The following ZNF75D variants were observed in gnomAD, a reference collection of about 807,000 sequenced individuals.
The protein encoded by ZNF75D is zinc finger protein 75.
ZNF75D carries 33 observed loss-of-function variants against 33.3 expected under a neutral mutation model. The ratio of observed to expected loss-of-function variants is 0.99; its 90% CI spans 0.75 to 1.32. ZNF75D has a LOEUF of 1.32. ZNF75D is among the 40% of genes most tolerant of loss of function. The pLI is 0.00. For synonymous variants in ZNF75D, 113 were observed against 130.6 expected (o/e 0.87, Z 0.92); for missense variants, 338 against 367.5 (o/e 0.92, Z 0.66).
At chrX:135,322,229 C>T (rs915602883) in intron 1 of ZNF75D, among the ~76,000 whole-genome samples, 2 of 112,068 alleles carry the variant, frequency 1.8e-5, no homozygotes, top group Non-Finnish European at 3.8e-5. Context: ...ACCCCCGCAG[C>T]TGCCAAAAGG....
intron 1 of ZNF75D, among the ~76,000 whole-genome samples, chrX:135,278,220 G>C (rs2148464029): frequency 9.0e-6 from 1 of 111,179 alleles, no homozygotes; most frequent in African/African-American, 3.3e-5. Context: ...CTTGTAAGTT[G>C]GATTCCTAGG....
At chrX:135,260,064 G>A (rs1178058625) in intron 1 of ZNF75D, among the ~76,000 whole-genome samples, 2 of 112,029 alleles carry the variant, frequency 1.8e-5, no homozygotes, top group Non-Finnish European at 3.8e-5. Flanking sequence ...TGTGCTTTTT[G>A]TTGTTGGTTC....
chrX:135,322,023 A>G (rs2084502296), intron 1 of ZNF75D, among the ~76,000 whole-genome samples: 1 of 112,103 alleles, frequency 8.9e-6, no homozygotes, highest in South Asian at 3.7e-4. Context: ...GAAGTCCACA[A>G]TGTCAATTAC....
intron 1 of ZNF75D, chrX:135,309,568 C>T (rs2084333042): frequency 1.0e-5 from 3 of 296,897 alleles, no homozygotes; most frequent in South Asian, 4.0e-4. Flanking sequence ...AAGAAGCCCA[C>T]CAAAAATGTG....
intron 1 of ZNF75D, among the ~76,000 whole-genome samples, chrX:135,301,524 G>A (rs1352893073): frequency 2.7e-5 from 3 of 112,324 alleles, no homozygotes; most frequent in Non-Finnish European, 3.8e-5. Context: ...GGATATAGGC[G>A]TTGGATAAAT....
At chrX:135,309,876 C>T (rs888091099) in intron 1 of ZNF75D, among the ~76,000 whole-genome samples, 1 of 111,803 alleles carries the variant, frequency 8.9e-6, no homozygotes, top group African/African-American at 3.3e-5. Context: ...TTTGTTCATC[C>T]TAACGCACAG....
intron 1 of ZNF75D, among the ~76,000 whole-genome samples, chrX:135,299,413 T>G (rs1008918714): frequency 8.9e-6 from 1 of 112,457 alleles, no homozygotes; most frequent in East Asian, 2.8e-4. Flanking sequence ...CATGTGCTTA[T>G]TAGGCATTTG....
intron 1 of ZNF75D, among the ~76,000 whole-genome samples, chrX:135,339,794 C>T (rs1329903396): frequency 8.9e-6 from 1 of 111,995 alleles, no homozygotes; most frequent in African/African-American, 3.3e-5. Context: ...GCCCTACTCC[C>T]TCCTATGGGT....
intron 1 of ZNF75D, among the ~76,000 whole-genome samples, chrX:135,316,842 C>A (rs1556432044): frequency 9.2e-6 from 1 of 109,172 alleles, no homozygotes; most frequent in East Asian, 2.9e-4. Context: ...ATAGATATTT[C>A]TTTCTCATTC....
intron 1 of ZNF75D, among the ~76,000 whole-genome samples, chrX:135,312,230 T>C (rs1331280691): frequency 1.8e-5 from 2 of 111,430 alleles, no homozygotes; most frequent in Non-Finnish European, 3.8e-5. Flanking sequence ...CTATCATACA[T>C]GAGTGAGAAC....
At chrX:135,306,453 G>A (rs913657568) in intron 1 of ZNF75D, among the ~76,000 whole-genome samples, 1 of 112,059 alleles carries the variant, frequency 8.9e-6, no homozygotes, top group African/African-American at 3.2e-5. Flanking sequence ...CCATGAACAT[G>A]TCTATCAATT....
At position 135,342,598 on chromosome X, in the gene ZNF75D, G is replaced by A. The variant is rs1038249659; in HGVS notation, c.-1221C>T. On this transcript the variant is annotated 5_prime_UTR_variant, in exon 1 of 7. Transcript: ENST00000370766. ...TCCCCCACATTCTCCAGCTGCTCCT[G>A]TTCCTCTCAATTAGACAAGCTTACT... is the stretch of plus-strand genomic sequence containing the variant. 8.9e-6 allele frequency: 1 copy of A among 112,019 alleles called. No homozygotes were observed. Among genetic ancestry groups the A allele is most frequent in the Non-Finnish European group, 1.9e-5 (1 of 53,540 alleles). 9.2% of individuals were successfully genotyped at this position (112,019 alleles called of 1,213,427 possible).
rs1450594009 is a variant in ZNF75D at position 135,287,075 on chromosome X, G to A, written c.*62C>T. 8 of 913,362 alleles carry A rather than the reference G, an allele frequency of 8.8e-6. No individual in the cohort carries two copies. The Admixed American group carries it at 2.4e-4, about 27-fold the overall frequency. 75.3% of individuals were successfully genotyped at this position (913,362 alleles called of 1,213,427 possible). A position where few individuals can be genotyped will look rare whatever the true frequency, so the allele number is the denominator to read the frequency against. ...ATTAATCACAGATTCCTATCATTGG[G>A]TGCCTCATAATTTTGTATTCTTTCA... is the stretch of plus-strand genomic sequence containing the variant. On this transcript the variant is annotated 3_prime_UTR_variant, in exon 7 of 7. Transcript: ENST00000370766.
chrX:135,273,186 C>T (rs184365517), intron 1 of ZNF75D, among the ~76,000 whole-genome samples: 1,958 of 111,191 alleles, frequency 0.018, 46 homozygotes, highest in African/African-American at 0.061. Context: ...CTCTCTCTCT[C>T]TTTTCCTTTC....
downstream of ZNF75D, among the ~76,000 whole-genome samples, chrX:135,281,751 C>T (rs1556418537): frequency 8.9e-6 from 1 of 112,388 alleles, no homozygotes; most frequent in Non-Finnish European, 1.9e-5. Flanking sequence ...GGCCCTTCTG[C>T]TTCAGGTCTG....
chrX:135,284,745 A>T (rs1400449885), downstream of ZNF75D, among the ~76,000 whole-genome samples: 3 of 111,587 alleles, frequency 2.7e-5, no homozygotes, highest in Non-Finnish European at 5.6e-5. Context: ...CCTGCACGAT[A>T]AGCTTTGAAG....
intron 3 of ZNF75D, among the ~76,000 whole-genome samples, chrX:135,292,915 C>T (rs781997628): frequency 1.8e-5 from 2 of 112,538 alleles, no homozygotes; most frequent in Non-Finnish European, 3.8e-5. Context: ...TCCAATCCTC[C>T]AGGAAAGAAT....
At chrX:135,326,027 C>G (rs1316914747) in intron 1 of ZNF75D, among the ~76,000 whole-genome samples, 6 of 109,698 alleles carry the variant, frequency 5.5e-5, no homozygotes, top group African/African-American at 2.0e-4. Flanking sequence ...AATCGACACT[C>G]TGTATCTAGC....
chrX:135,263,284 G>A (rs1388070824), intron 1 of ZNF75D, among the ~76,000 whole-genome samples: 1 of 112,981 alleles, frequency 8.9e-6, no homozygotes, highest in Non-Finnish European at 1.9e-5. Context: ...CAACCCACTT[G>A]AGGACATAGT....
Sources: gnomAD v4.1 joint callset for allele counts (sites outside exome capture counted in the v4.1 genomes callset) on GRCh38, gnomAD v4.1.1 for gene constraint, MANE v1.5 for transcripts, NCBI Gene and HGNC (gene_info 2026-07-23, HGNC 2026-07-21) for gene names.